The following DCC variants were observed in gnomAD, a reference collection of about 807,000 sequenced individuals.
DCC encodes netrin receptor DCC.
Under a neutral mutation model 172.5 loss-of-function variants are expected in DCC, and 58 were observed. That is an observed-to-expected ratio of 0.34 (90% CI 0.27 to 0.42). DCC has a LOEUF of 0.42. DCC is among the 10% of genes least tolerant of loss of function. The pLI, the probability that DCC is intolerant of heterozygous loss-of-function variation, is 1.00. For synonymous variants in DCC, 709 were observed against 644.5 expected (o/e 1.10, Z -1.52); for missense variants, 1,740 against 1,791.0 (o/e 0.97, Z 0.51).
At chr18:52,430,377 A>G (rs1987581457) in intron 1 of DCC, among the ~76,000 whole-genome samples, 1 of 145,198 alleles carries the variant, frequency 6.9e-6, no homozygotes, top group Non-Finnish European at 1.5e-5. Flanking sequence ...TGAATGCAAC[A>G]TACTTTTACA....
intron 27 of DCC, among the ~76,000 whole-genome samples, chr18:53,515,664 CAGAG>C (rs1484936058): frequency 5.4e-5 from 8 of 148,594 alleles, no homozygotes; most frequent in Non-Finnish European, 1.2e-4. Flanking sequence ...AACAGACAAA[CAGAG>C]AGCCAAATCA....
intron 5 of DCC, among the ~76,000 whole-genome samples, chr18:52,944,411 A>T (rs1228051194): frequency 6.6e-6 from 1 of 152,190 alleles, no homozygotes; most frequent in African/African-American, 2.4e-5. Flanking sequence ...TGCATCCAAA[A>T]CTAGCTGTGC....
chr18:52,491,166 C>T (rs932158412), intron 1 of DCC, among the ~76,000 whole-genome samples: 2 of 151,694 alleles, frequency 1.3e-5, no homozygotes, highest in Non-Finnish European at 2.9e-5. Context: ...TTTATCTTAC[C>T]CCATTTATTC....
chr18:52,647,911 A>G (rs2035049346), intron 1 of DCC, among the ~76,000 whole-genome samples: 1 of 152,242 alleles, frequency 6.6e-6, no homozygotes, highest in African/African-American at 2.4e-5. Context: ...GTAAGAGCTA[A>G]TAAATACAAG....
chr18:53,112,219 GA>G (rs991503595), intron 7 of DCC, among the ~76,000 whole-genome samples: 2 of 151,286 alleles, frequency 1.3e-5, no homozygotes, highest in Non-Finnish European at 3.0e-5. Flanking sequence ...ATTGAATGAA[GA>G]AAAATACTTA....
intron 2 of DCC, among the ~76,000 whole-genome samples, chr18:52,826,172 C>T (rs973845851): frequency 6.6e-6 from 1 of 152,166 alleles, no homozygotes; most frequent in Non-Finnish European, 1.5e-5. Flanking sequence ...ATGATTTCTA[C>T]TCAGTTGTAC....
At chr18:52,996,816 A>G (rs946902686) in intron 5 of DCC, among the ~76,000 whole-genome samples, 2 of 144,750 alleles carry the variant, frequency 1.4e-5, no homozygotes, top group East Asian at 4.1e-4. Flanking sequence ...TTAGAAACAC[A>G]CACACATCTC....
chr18:53,115,736 A>G (rs1261913415), intron 7 of DCC, among the ~76,000 whole-genome samples: 2 of 151,630 alleles, frequency 1.3e-5, no homozygotes, highest in African/African-American at 4.8e-5. Context: ...TTTAATGTGT[A>G]CATTTGGTTA....
At chr18:53,166,244 G>A (rs924547592) in intron 8 of DCC, among the ~76,000 whole-genome samples, 5 of 152,114 alleles carry the variant, frequency 3.3e-5, no homozygotes, top group Non-Finnish European at 7.4e-5. Context: ...AGATTAGGAT[G>A]CTGGAAAGGT....
chr18:53,248,156 C>T (rs2056386653), intron 12 of DCC, among the ~76,000 whole-genome samples: 4 of 152,010 alleles, frequency 2.6e-5, no homozygotes. Context: ...TGACTAACAG[C>T]CATCCTGCTC....
chr18:52,785,411 C>G (rs1456792850), intron 2 of DCC, among the ~76,000 whole-genome samples: 1 of 152,050 alleles, frequency 6.6e-6, no homozygotes, highest in Non-Finnish European at 1.5e-5. Flanking sequence ...TGCCCTTACT[C>G]TCTGCTTAAG....
intron 1 of DCC, among the ~76,000 whole-genome samples, chr18:52,642,008 G>GTGTGTGTGTA (rs1555707931): frequency 8.4e-5 from 3 of 35,878 alleles, no homozygotes; most frequent in South Asian, 1.6e-3. Context: ...ACTGTGGTGT[G>GTGTGTGTGTA]TGTGTGTATA....
chr18:52,859,717 A>C (rs1156986279), intron 2 of DCC, among the ~76,000 whole-genome samples: 2 of 152,100 alleles, frequency 1.3e-5, no homozygotes, highest in Non-Finnish European at 2.9e-5. Flanking sequence ...CATGAAGACA[A>C]TTTTCAAGGC....
At chr18:52,440,864 A>T (rs773668524) in intron 1 of DCC, among the ~76,000 whole-genome samples, 17 of 152,208 alleles carry the variant, frequency 1.1e-4, no homozygotes, top group Admixed American at 3.3e-4. Flanking sequence ...GGAAAGCAAA[A>T]GGAGAATCAT....
intron 7 of DCC, among the ~76,000 whole-genome samples, chr18:53,131,430 A>G (rs750519897): frequency 5.3e-5 from 8 of 152,148 alleles, no homozygotes; most frequent in Non-Finnish European, 1.0e-4. Flanking sequence ...ACCGACAAAG[A>G]TAAGTTATAA....
intron 5 of DCC, among the ~76,000 whole-genome samples, chr18:53,006,948 T>G (rs2041655123): frequency 6.6e-6 from 1 of 152,236 alleles, no homozygotes; most frequent in Non-Finnish European, 1.5e-5. Context: ...TTATAGCATG[T>G]GTTGTACCAT....
intron 1 of DCC, among the ~76,000 whole-genome samples, chr18:52,452,888 A>G (rs943988094): frequency 6.6e-6 from 1 of 152,256 alleles, no homozygotes; most frequent in African/African-American, 2.4e-5. Flanking sequence ...TTGTACAGAG[A>G]TCCTGATTGA....
chr18:53,466,063 C>T (rs937835392), intron 24 of DCC, among the ~76,000 whole-genome samples: 15 of 152,120 alleles, frequency 9.9e-5, no homozygotes, highest in African/African-American at 3.6e-4. Context: ...CACGCCCAGC[C>T]AAAGCGATGC....
At chr18:53,268,616 GA>G (rs949487701) in intron 12 of DCC, among the ~76,000 whole-genome samples, 10 of 151,572 alleles carry the variant, frequency 6.6e-5, no homozygotes, top group South Asian at 2.1e-4. Flanking sequence ...ATTTGGCCTT[GA>G]AAAAAAATGG....
Sources: gnomAD v4.1 joint callset for allele counts (sites outside exome capture counted in the v4.1 genomes callset) on GRCh38, gnomAD v4.1.1 for gene constraint, MANE v1.5 for transcripts, NCBI Gene and HGNC (gene_info 2026-07-23, HGNC 2026-07-21) for gene names.